DAP3: variants seen among roughly 807,000 people sequenced by gnomAD.
DAP3 encodes the protein small ribosomal subunit protein mS29.
DAP3 carries 28 observed loss-of-function variants against 51.9 expected under a neutral mutation model. The observed-to-expected ratio is 0.54, with a 90% CI of 0.40 to 0.74. The LOEUF is 0.74. DAP3 is among the 30% of genes least tolerant of loss of function. The pLI is 0.00. For missense variants in DAP3, 458 were observed against 483.5 expected, an observed-to-expected ratio of 0.95 and a Z score of 0.49; for synonymous variants, 170 against 170.3, an observed-to-expected ratio of 1.00 and a Z score of 0.01.
intron 3 of DAP3, among the ~76,000 whole-genome samples, chr1:155,719,318 C>T (rs529579308): frequency 1.3e-5 from 2 of 151,222 alleles, no homozygotes; most frequent in South Asian, 2.1e-4. Flanking sequence ...TCACTGCAAC[C>T]TCCACCTCCT....
intron 2 of DAP3, among the ~76,000 whole-genome samples, chr1:155,712,293 T>C (rs1388511135): frequency 6.6e-6 from 1 of 152,148 alleles, no homozygotes; most frequent in East Asian, 1.9e-4. Context: ...TGATAACATA[T>C]ATAAAACTTT....
intron 1 of DAP3, among the ~76,000 whole-genome samples, chr1:155,708,613 C>T (rs1656296653): frequency 6.9e-6 from 1 of 144,482 alleles, no homozygotes; most frequent in South Asian, 2.2e-4. Context: ...GTGATATCAG[C>T]TCACTGCAAC....
At chr1:155,706,846 G>A (rs1189379029) in intron 1 of DAP3, among the ~76,000 whole-genome samples, 3 of 150,144 alleles carry the variant, frequency 2.0e-5, no homozygotes, top group Admixed American at 6.7e-5. Flanking sequence ...TAATCCCAGC[G>A]CTTTGAGAGG....
chr1:155,725,508 C>A lies in DAP3; in HGVS notation c.379+18C>A. The stretch of plus-strand genomic sequence containing the variant: ...TCTTCTGTGTATCCTTTCCTGCCTG[C>A]GTGGACCCTCATGAACCAATGCTTT... On this transcript the variant is annotated intron_variant, in intron 5 of 12. Transcript: ENST00000368336. 1 of 1,593,694 alleles carries A rather than the reference C, an allele frequency of 6.3e-7. No individual in the cohort carries two copies. The highest frequency in any genetic ancestry group is 8.6e-7 in the Non-Finnish European group (1 of 1,161,528).
At position 155,732,046 on chromosome 1, in the gene DAP3, G is replaced by A; in HGVS notation, c.993+13G>A. 6.3e-7 allele frequency: 1 copy of A among 1,599,004 alleles called. No homozygotes were observed. The highest frequency in any genetic ancestry group is 1.7e-5 in the Admixed American group (1 of 57,666). ...GTTGCTGGGAAAGGTCAAGTCAAAG[G>A]AAAATTTGTTTCTACTTAGATTGTT... On this transcript the variant is annotated intron_variant, in intron 11 of 12. Transcript: ENST00000368336.
chr1:155,726,747 T>TA (rs1658644992), intron 6 of DAP3: 1 of 134,246 alleles, frequency 7.4e-6, no homozygotes, highest in African/African-American at 2.9e-5. Context: ...ATCGCACCAC[T>TA]ACACTCTAGC....
chr1:155,716,979 G>A (rs769520204), intron 2 of DAP3, 27 bp from the exon 3 acceptor site: 21 of 1,594,164 alleles, frequency 1.3e-5, no homozygotes, highest in Middle Eastern at 1.7e-4. Flanking sequence ...TGATAACCCC[G>A]TAACACTGAA....
chr1:155,696,944 G>T (rs1196022981), intron 1 of DAP3, among the ~76,000 whole-genome samples: 1 of 152,190 alleles, frequency 6.6e-6, no homozygotes, highest in Non-Finnish European at 1.5e-5. Context: ...GGGAGCCCTG[G>T]TTGTAAAGCT....
intron 1 of DAP3, among the ~76,000 whole-genome samples, chr1:155,689,967 C>G (rs1282135023): frequency 7.0e-6 from 1 of 142,856 alleles, no homozygotes; most frequent in African/African-American, 3.1e-5. Flanking sequence ...AGCTCCTAGG[C>G]ATAGGGAAGG....
At chr1:155,736,678 A>AG (rs1384976358) in intron 11 of DAP3, 1 of 409,256 alleles carries the variant, frequency 2.4e-6, no homozygotes, top group Non-Finnish European at 4.5e-6. Context: ...CAGCCTCCCA[A>AG]GGTGCTGGGA....
At chr1:155,732,635 T>C (rs1354578731) in intron 11 of DAP3, among the ~76,000 whole-genome samples, 2 of 152,238 alleles carry the variant, frequency 1.3e-5, no homozygotes, top group Non-Finnish European at 2.9e-5. Flanking sequence ...ATTGATATCA[T>C]ACTTTTACCT....
At chr1:155,734,328 C>T (rs1659545274) in intron 11 of DAP3, among the ~76,000 whole-genome samples, 1 of 151,688 alleles carries the variant, frequency 6.6e-6, no homozygotes, top group Non-Finnish European at 1.5e-5. Flanking sequence ...TGAATGTTGT[C>T]TTTTTCTTTT....
intron 10 of DAP3, among the ~76,000 whole-genome samples, chr1:155,731,709 G>A (rs992790831): frequency 8.6e-5 from 13 of 152,012 alleles, no homozygotes; most frequent in South Asian, 4.1e-4. Flanking sequence ...TCTCCTTACC[G>A]TCTTTGGAAA....
chr1:155,693,932 G>A (rs1571416960), intron 1 of DAP3, among the ~76,000 whole-genome samples: 2 of 140,460 alleles, frequency 1.4e-5, no homozygotes, highest in South Asian at 2.1e-4. Flanking sequence ...TTGCACTCCA[G>A]CCTGTGCAAC....
upstream of DAP3, chr1:155,688,666 G>T: frequency 6.5e-7 from 1 of 1,533,016 alleles, no homozygotes; most frequent in Non-Finnish European, 8.7e-7. Flanking sequence ...TACCTTCAGC[G>T]GCGCGAGCCC....
rs1367812479 is a variant in DAP3 at position 155,692,772 on chromosome 1, A to C, written c.-8+3598A>C. Among the ~76,000 whole-genome samples, 10 of 142,178 alleles carry C rather than the reference A, an allele frequency of 7.0e-5. 4 individuals carry two copies. Among genetic ancestry groups the C allele is most frequent in the African/African-American group, 3.2e-4 (10 of 31,620 alleles). 93.3% of individuals were successfully genotyped at this position (142,178 alleles called of 152,430 possible). On this transcript the variant is annotated intron_variant, in intron 1 of 12. Transcript: ENST00000368336. Reference sequence around the variant, plus strand: ...TTATGCAGAAATCAGAAGTATTCCAATCACATTGCATTTGCAATCGATGCT... The same window carrying C: ...TTATGCAGAAATCAGAAGTATTCCACTCACATTGCATTTGCAATCGATGCT...
chr1:155,688,841 G>T, upstream of DAP3: 2 of 1,587,914 alleles, frequency 1.3e-6, no homozygotes, highest in South Asian at 1.1e-5. Context: ...GGCTGCAGGG[G>T]CAGGAGAGGA....
intron 3 of DAP3, among the ~76,000 whole-genome samples, chr1:155,717,402 C>G (rs914188449): frequency 2.0e-5 from 3 of 152,188 alleles, no homozygotes; most frequent in East Asian, 1.9e-4. Flanking sequence ...ATAGAGTTGT[C>G]GAATACTCAA....
At chr1:155,718,698 AG>A in intron 3 of DAP3, among the ~76,000 whole-genome samples, 1 of 137,574 alleles carries the variant, frequency 7.3e-6, no homozygotes, top group South Asian at 2.3e-4. Flanking sequence ...AAAAAAAAAA[AG>A]AAAGAAAGAT....
Sources: allele counts gnomAD v4.1 joint callset (sites outside exome capture counted in the v4.1 genomes callset), GRCh38; gene constraint gnomAD v4.1.1; transcripts MANE v1.5; gene names NCBI Gene and HGNC (gene_info 2026-07-23, HGNC 2026-07-21).